The following PXDNL variants were observed in gnomAD, a reference collection of about 807,000 sequenced individuals.
PXDNL encodes probable oxidoreductase PXDNL.
Under a neutral mutation model 150.8 loss-of-function variants are expected in PXDNL, and 145 were observed. The ratio of observed to expected loss-of-function variants is 0.96; its 90% CI spans 0.84 to 1.10. PXDNL has a LOEUF of 1.10. Among genes scored for constraint, PXDNL ranks in the 50% least tolerant of loss-of-function variants. The probability of loss-of-function intolerance (pLI) is 0.00; values close to 1 mark genes in which losing one functional copy is unlikely to be tolerated. For missense variants in PXDNL, 2,087 were observed against 1,873.9 expected, an observed-to-expected ratio of 1.11 and a Z score of -2.10; for synonymous variants, 757 against 725.7, an observed-to-expected ratio of 1.04 and a Z score of -0.69.
intron 14 of PXDNL, among the ~76,000 whole-genome samples, chr8:51,416,905 G>A (rs74304155): frequency 0.025 from 3,733 of 152,204 alleles, 85 homozygotes; most frequent in South Asian, 0.084. Context: ...AAGCTTTCTC[G>A]TTTTTATGTC....
chr8:51,612,910 T>C (rs1390157365), intron 2 of PXDNL, among the ~76,000 whole-genome samples: 2 of 152,248 alleles, frequency 1.3e-5, no homozygotes, highest in East Asian at 3.8e-4. Context: ...ACACCATGTC[T>C]GAACCTTTGT....
At chr8:51,390,059 C>T (rs186644519) in intron 17 of PXDNL, among the ~76,000 whole-genome samples, 1 of 151,994 alleles carries the variant, frequency 6.6e-6, no homozygotes, top group Admixed American at 6.6e-5. Flanking sequence ...AGCCATGCCC[C>T]CCCCACCAAA....
Position 51,404,864 on chromosome 8 carries a change from A to G in PXDNL, c.3557+3203T>C, listed in dbSNP as rs569643434. Among the ~76,000 whole-genome samples, 56 of 152,320 alleles carry G rather than the reference A, an allele frequency of 3.7e-4. 1 individual carries two copies. The highest frequency in any genetic ancestry group is 1.2e-3 in the African/African-American group (51 of 41,592). The stretch of plus-strand genomic sequence containing the variant: ...GGCGGTCGATGGGACTGGGTGCCCC[A>G]GAGCAGGGGACGGTGATCGTCAGGG... On this transcript the variant is annotated intron_variant, in intron 17 of 22. Coordinates refer to ENST00000356297, the MANE Select transcript of PXDNL (RefSeq NM_144651.5).
At chr8:51,418,312 G>A (rs1808855518) in intron 14 of PXDNL, among the ~76,000 whole-genome samples, 1 of 152,136 alleles carries the variant, frequency 6.6e-6, no homozygotes, top group African/African-American at 2.4e-5. Context: ...CTCTTAATTA[G>A]TTTGTAAACT....
At chr8:51,733,376 C>T (rs1816969789) in intron 1 of PXDNL, among the ~76,000 whole-genome samples, 1 of 152,000 alleles carries the variant, frequency 6.6e-6, no homozygotes. Context: ...AAAAGTAGAA[C>T]AAAGTAAAAG....
chr8:51,719,177 G>A lies in PXDNL; in HGVS notation c.165-64417C>T, dbSNP rs565413695. On this transcript the variant is annotated intron_variant, in intron 1 of 22. Transcript: ENST00000356297. ...GTGTACCCAACAGCTCATTGAGAAT[G>A]ATGGCTGTTTTGTCGAATAGAAAAG... Among the ~76,000 whole-genome samples, 1,423 of 152,330 alleles carry A rather than the reference G, an allele frequency of 9.3e-3. 18 individuals are homozygous for A. Among genetic ancestry groups the A allele is most frequent in the African/African-American group, 0.028 (1,160 of 41,576 alleles).
chr8:51,496,640 A>C (rs1183042868), intron 5 of PXDNL, among the ~76,000 whole-genome samples: 1 of 152,196 alleles, frequency 6.6e-6, no homozygotes. Context: ...TTATACACCA[A>C]TAACAGACAA....
intron 2 of PXDNL, among the ~76,000 whole-genome samples, chr8:51,623,921 C>T (rs1814309333): frequency 6.6e-6 from 1 of 151,750 alleles, no homozygotes; most frequent in Admixed American, 6.6e-5. Flanking sequence ...GAGGGAGACC[C>T]CATCTCTACA....
At chr8:51,658,256 C>A (rs114033425) in intron 1 of PXDNL, among the ~76,000 whole-genome samples, 1 of 148,920 alleles carries the variant, frequency 6.7e-6, no homozygotes, top group African/African-American at 2.5e-5. Flanking sequence ...GTGGGAAGAT[C>A]GCTTGGGCCC....
At chr8:51,414,721 T>C (rs910876367) in intron 14 of PXDNL, among the ~76,000 whole-genome samples, 1 of 152,104 alleles carries the variant, frequency 6.6e-6, no homozygotes, top group Non-Finnish European at 1.5e-5. Context: ...ATGACACAAA[T>C]AGCTGACAAT....
chr8:51,694,051 C>T (rs886824008), intron 1 of PXDNL, among the ~76,000 whole-genome samples: 1 of 152,196 alleles, frequency 6.6e-6, no homozygotes, highest in African/African-American at 2.4e-5. Context: ...TTCTTATCAC[C>T]TTCCACCCAC....
At chr8:51,682,643 C>T (rs935345224) in intron 1 of PXDNL, among the ~76,000 whole-genome samples, 2 of 152,114 alleles carry the variant, frequency 1.3e-5, no homozygotes, top group African/African-American at 2.4e-5. Flanking sequence ...CCTTTGTTAA[C>T]CCAAATAGTC....
chr8:51,479,827 A>G (rs1295393226), intron 6 of PXDNL, among the ~76,000 whole-genome samples: 1 of 152,204 alleles, frequency 6.6e-6, no homozygotes, highest in Non-Finnish European at 1.5e-5. Context: ...TTATATATCC[A>G]TGTAACAAAT....
chr8:51,427,953 G>T (rs917305288), intron 12 of PXDNL, among the ~76,000 whole-genome samples: 1 of 152,142 alleles, frequency 6.6e-6, no homozygotes, highest in Non-Finnish European at 1.5e-5. Context: ...ATTTGCAGAT[G>T]AAATTATTGT....
At chr8:51,598,261 A>G (rs1204851787) in intron 2 of PXDNL, among the ~76,000 whole-genome samples, 1 of 151,726 alleles carries the variant, frequency 6.6e-6, no homozygotes, top group Non-Finnish European at 1.5e-5. Flanking sequence ...TAGCACTTTT[A>G]GTAGTATTTT....
intron 1 of PXDNL, among the ~76,000 whole-genome samples, chr8:51,672,018 G>T (rs1223092849): frequency 6.6e-6 from 1 of 152,078 alleles, no homozygotes; most frequent in Non-Finnish European, 1.5e-5. Context: ...GTCTCACTTT[G>T]TCACCCAGGC....
At chr8:51,467,108 G>A (rs1354355393) in intron 8 of PXDNL, among the ~76,000 whole-genome samples, 2 of 152,048 alleles carry the variant, frequency 1.3e-5, no homozygotes, top group South Asian at 2.1e-4. Context: ...TTACAGCACC[G>A]TTAGCAATAG....
chr8:51,525,120 T>A (rs1284345235), intron 4 of PXDNL, among the ~76,000 whole-genome samples: 1 of 148,588 alleles, frequency 6.7e-6, no homozygotes, highest in African/African-American at 2.5e-5. Flanking sequence ...CACCTTTATT[T>A]AAAAAAAAAA....
At position 51,339,613 on chromosome 8, in the gene PXDNL, A is replaced by G. The variant is rs538625211; in HGVS notation, c.4146+11T>C. 29 of 1,610,742 alleles carry G rather than the reference A, an allele frequency of 1.8e-5. No homozygotes were observed. In the East Asian group the frequency reaches 5.1e-4, roughly 28 times the overall value. ...TACAATAAGGACATGTTATTTGAAG[A>G]GAAAACAAACCTGCTCTCTGAGTGC... is the stretch of plus-strand genomic sequence containing the variant. On this transcript the variant is annotated intron_variant, in intron 21 of 22. Coordinates refer to ENST00000356297, the MANE Select transcript of PXDNL (RefSeq NM_144651.5).
Sources: gnomAD v4.1 joint callset for allele counts (sites outside exome capture counted in the v4.1 genomes callset) on GRCh38, gnomAD v4.1.1 for gene constraint, MANE v1.5 for transcripts, NCBI Gene and HGNC (gene_info 2026-07-23, HGNC 2026-07-21) for gene names.